LSM12: variants seen among roughly 807,000 people sequenced by gnomAD.
LSM12 encodes protein LSM12.
For missense variants in LSM12, 108 were observed against 238.9 expected (o/e 0.45, Z 3.61); for synonymous variants, 74 against 87.3 (o/e 0.85, Z 0.85).
intron 2 of LSM12, among the ~76,000 whole-genome samples, chr17:44,062,736 A>C (rs1442045843): frequency 6.6e-6 from 1 of 151,808 alleles, no homozygotes; most frequent in Non-Finnish European, 1.5e-5. Flanking sequence ...ATAATACAAA[A>C]ATTGAGCCAG....
At chr17:44,053,695 T>C (rs570188533) in intron 2 of LSM12, among the ~76,000 whole-genome samples, 2 of 152,314 alleles carry the variant, frequency 1.3e-5, no homozygotes, top group Admixed American at 6.5e-5. Context: ...ACACTGCTGT[T>C]CTTCAAACTC....
intron 2 of LSM12, among the ~76,000 whole-genome samples, chr17:44,041,308 C>A (rs1158369906): frequency 1.4e-5 from 2 of 142,478 alleles, no homozygotes; most frequent in Non-Finnish European, 3.0e-5. Flanking sequence ...CACACACACA[C>A]ACACACACAC....
intron 2 of LSM12, among the ~76,000 whole-genome samples, chr17:44,055,789 A>G (rs2049705974): frequency 6.7e-6 from 1 of 149,402 alleles, no homozygotes; most frequent in South Asian, 2.1e-4. Flanking sequence ...GAGCCCTGCT[A>G]ATAGGCTATG....
rs1043283290 is a variant in LSM12 at position 44,034,541 on chromosome 17, G to A, written c.*1667C>T. 2.0e-5 allele frequency: 3 copies of A among 152,486 alleles called. No individual in the cohort carries two copies. The highest frequency in any genetic ancestry group is 2.9e-5 in the Non-Finnish European group (2 of 68,044). 9.4% of individuals were successfully genotyped at this position (152,486 alleles called of 1,614,324 possible). ...GAAAAGAGAGGGTAAATAGTAGGAA[G>A]AAGAGACTCTAAAGAGAAAGGTCAA... On this transcript the variant is annotated 3_prime_UTR_variant, in exon 5 of 5. Coordinates refer to ENST00000293406, the MANE Select transcript of LSM12 (RefSeq NM_001371445.1).
chr17:44,047,000 G>C (rs894366132), intron 2 of LSM12, among the ~76,000 whole-genome samples: 1 of 151,852 alleles, frequency 6.6e-6, no homozygotes, highest in African/African-American at 2.4e-5. Flanking sequence ...AAAGTGCTGG[G>C]ATTACAGGCG....
intron 2 of LSM12, among the ~76,000 whole-genome samples, chr17:44,063,143 C>CTTTGG (rs2049822276): frequency 6.6e-6 from 1 of 151,944 alleles, no homozygotes; most frequent in Non-Finnish European, 1.5e-5. Context: ...GCATGTAATC[C>CTTTGG]CAGCTACTCA....
At chr17:44,043,912 A>G (rs1395240942) in intron 2 of LSM12, among the ~76,000 whole-genome samples, 1 of 152,120 alleles carries the variant, frequency 6.6e-6, no homozygotes, top group East Asian at 1.9e-4. Flanking sequence ...TTACCTTATA[A>G]GCAGGCTGGA....
intron 2 of LSM12, among the ~76,000 whole-genome samples, chr17:44,056,072 A>C (rs2049709630): frequency 6.6e-6 from 1 of 151,650 alleles, no homozygotes; most frequent in Admixed American, 6.6e-5. Flanking sequence ...GTTCAAGACC[A>C]GCCTGACCAA....
chr17:44,062,361 G>A (rs1198404289), intron 2 of LSM12, among the ~76,000 whole-genome samples: 1 of 151,956 alleles, frequency 6.6e-6, no homozygotes, highest in African/African-American at 2.4e-5. Context: ...CCTTAACTGT[G>A]AAGGACAAGG....
chr17:44,066,777 A>C, upstream of LSM12: 1 of 671,752 alleles, frequency 1.5e-6, no homozygotes, highest in Non-Finnish European at 2.0e-6. Context: ...GGAATCTGAA[A>C]AGTATTTGTA....
intron 2 of LSM12, among the ~76,000 whole-genome samples, chr17:44,041,290 A>AACAC (rs72358942): frequency 5.1e-4 from 56 of 110,454 alleles, no homozygotes; most frequent in African/African-American, 1.4e-3. Flanking sequence ...AAAAAAAACA[A>AACAC]ACACACACAC....
At chr17:44,066,881 G>T (rs892984912), upstream of LSM12, 1 of 254,564 alleles carries the variant, frequency 3.9e-6, no homozygotes, top group Non-Finnish European at 7.4e-6. Flanking sequence ...AGAGGAGGGA[G>T]CTGCAGTCTC....
At chr17:44,036,580 ACTC>A (rs1165042280) in intron 4 of LSM12, among the ~76,000 whole-genome samples, 1 of 151,594 alleles carries the variant, frequency 6.6e-6, no homozygotes, top group Admixed American at 6.6e-5. Flanking sequence ...CATGACCTAA[ACTC>A]CTCCTCTCTT....
At chr17:44,063,116 C>T (rs2049821681) in intron 2 of LSM12, among the ~76,000 whole-genome samples, 1 of 151,886 alleles carries the variant, frequency 6.6e-6, no homozygotes, top group Non-Finnish European at 1.5e-5. Context: ...AAGACTTGGG[C>T]AGGCATGGTG....
upstream of LSM12, chr17:44,066,779 G>T: frequency 3.1e-6 from 2 of 652,880 alleles, no homozygotes; most frequent in Non-Finnish European, 4.2e-6. Context: ...AATCTGAAAA[G>T]TATTTGTATA....
chr17:44,051,350 C>T (rs1437468346), intron 2 of LSM12, among the ~76,000 whole-genome samples: 1 of 146,382 alleles, frequency 6.8e-6, no homozygotes, highest in African/African-American at 2.6e-5. Context: ...AAGATCGTGC[C>T]ACTGCTCTTT....
At chr17:44,057,899 G>A (rs1035136806) in intron 2 of LSM12, among the ~76,000 whole-genome samples, 1 of 151,644 alleles carries the variant, frequency 6.6e-6, no homozygotes, top group Non-Finnish European at 1.5e-5. Flanking sequence ...TCCTTCCCCT[G>A]CCTTATCTCA....
chr17:44,039,182 G>A (rs887721054), intron 3 of LSM12, among the ~76,000 whole-genome samples: 1 of 151,972 alleles, frequency 6.6e-6, no homozygotes, highest in Non-Finnish European at 1.5e-5. Context: ...AGCCTCCTAA[G>A]TGGCTGGGAT....
At chr17:44,055,691 A>T (rs1305637346) in intron 2 of LSM12, among the ~76,000 whole-genome samples, 4 of 144,496 alleles carry the variant, frequency 2.8e-5, no homozygotes, top group East Asian at 2.0e-4. Context: ...ATATATATAA[A>T]ATATATATAT....
Sources: gnomAD v4.1 joint callset for allele counts (sites outside exome capture counted in the v4.1 genomes callset) on GRCh38, gnomAD v4.1.1 for gene constraint, MANE v1.5 for transcripts, NCBI Gene and HGNC (gene_info 2026-07-23, HGNC 2026-07-21) for gene names.